MEMO1: variants seen among roughly 807,000 people sequenced by gnomAD.
The protein encoded by MEMO1 is protein MEMO1.
Under a neutral mutation model 45.2 loss-of-function variants are expected in MEMO1, and 6 were observed. The ratio of observed to expected loss-of-function variants is 0.13; its 90% confidence interval spans 0.07 to 0.26. The LOEUF (loss-of-function observed/expected upper bound fraction) is 0.26, where lower values mean the gene tolerates loss of function less well. Ranked by LOEUF, MEMO1 falls within the 10% of genes least tolerant of loss-of-function variation. The pLI, the probability that MEMO1 is intolerant of heterozygous loss-of-function variation, is 1.00. For synonymous variants in MEMO1, 78 were observed against 124.3 expected, an observed-to-expected ratio of 0.63 and a Z score of 2.48; for missense variants, 184 against 370.5, an observed-to-expected ratio of 0.50 and a Z score of 4.13.
intron 6 of MEMO1, 90 bp from the exon 7 acceptor site, chr2:31,892,224 A>G: frequency 4.5e-6 from 5 of 1,119,284 alleles, no homozygotes; most frequent in Non-Finnish European, 6.5e-6. Flanking sequence ...TGGAATATGT[A>G]TTAATAGTGG....
intron 8 of MEMO1, among the ~76,000 whole-genome samples, chr2:31,872,151 C>G (rs761118187): frequency 6.6e-6 from 1 of 152,114 alleles, no homozygotes; most frequent in African/African-American, 2.4e-5. Flanking sequence ...AGTTATAAAT[C>G]TCTTCCATAA....
At position 31,973,136 on chromosome 2, in the gene MEMO1, C is replaced by A. The variant is rs547066696; in HGVS notation, c.62-29753G>T. Among the ~76,000 whole-genome samples, 5 of 152,196 alleles carry A rather than the reference C, an allele frequency of 3.3e-5. No individual in the cohort carries two copies. The East Asian group carries it at 9.7e-4, about 29-fold the overall frequency. On this transcript the variant is annotated intron_variant, in intron 2 of 9. Transcript: ENST00000404530. ...CAGAATTGCCACTGACCCACCAATT[C>A]CACTCTTAGGTATATATCTAAAAGA...
chr2:31,927,141 C>T (rs946044638), intron 4 of MEMO1, among the ~76,000 whole-genome samples: 1 of 151,990 alleles, frequency 6.6e-6, no homozygotes, highest in Admixed American at 6.6e-5. Context: ...CCATCCTGGC[C>T]AACATGGTGA....
At chr2:31,913,824 A>G (rs1451406639) in intron 6 of MEMO1, among the ~76,000 whole-genome samples, 1 of 152,140 alleles carries the variant, frequency 6.6e-6, no homozygotes, top group Non-Finnish European at 1.5e-5. Flanking sequence ...CCAATCACCA[A>G]AAATTCTTCC....
chr2:31,916,959 CA>C (rs917271743), intron 6 of MEMO1, among the ~76,000 whole-genome samples: 1 of 152,086 alleles, frequency 6.6e-6, no homozygotes, highest in Admixed American at 6.5e-5. Flanking sequence ...AATAACCACA[CA>C]AAAGTCTGAG....
intron 8 of MEMO1, among the ~76,000 whole-genome samples, chr2:31,880,818 T>C: frequency 6.6e-6 from 1 of 152,156 alleles, no homozygotes; most frequent in South Asian, 2.1e-4. Flanking sequence ...AAAATAAGTA[T>C]CATCAGCTTA....
intron 4 of MEMO1, among the ~76,000 whole-genome samples, chr2:31,930,789 G>C (rs1664065256): frequency 6.6e-6 from 1 of 150,678 alleles, no homozygotes. Flanking sequence ...GAGACTACAG[G>C]CGTGTGCCAC....
At chr2:31,995,020 G>A (rs1375955295) in intron 2 of MEMO1, among the ~76,000 whole-genome samples, 1 of 151,192 alleles carries the variant, frequency 6.6e-6, no homozygotes, top group African/African-American at 2.4e-5. Flanking sequence ...GAGGGAGGAA[G>A]GCAGGCAGGC....
intron 2 of MEMO1, among the ~76,000 whole-genome samples, chr2:31,994,686 T>C (rs943557682): frequency 6.6e-6 from 1 of 152,022 alleles, no homozygotes; most frequent in Non-Finnish European, 1.5e-5. Flanking sequence ...CAGTGGCTCA[T>C]GCCTATAATC....
intron 2 of MEMO1, among the ~76,000 whole-genome samples, chr2:31,979,816 T>C (rs1021903270): frequency 5.3e-4 from 80 of 152,234 alleles, no homozygotes; most frequent in Non-Finnish European, 5.9e-4. Context: ...TAACTTCTAG[T>C]GTTGGCTCCT....
chr2:31,993,952 T>TC (rs1458766535), intron 2 of MEMO1, among the ~76,000 whole-genome samples: 1 of 113,956 alleles, frequency 8.8e-6, no homozygotes, highest in South Asian at 3.4e-4. Flanking sequence ...ATACTTTCTT[T>TC]TTTTTTTTTT....
At chr2:31,918,072 A>G (rs1681732567) in intron 5 of MEMO1, 35 bp from the exon 6 acceptor site, 1 of 1,437,564 alleles carries the variant, frequency 7.0e-7, no homozygotes, top group South Asian at 1.2e-5. Flanking sequence ...AAATAAATAT[A>G]TTAATGTATA....
At chr2:31,901,884 G>A (rs192277820) in intron 6 of MEMO1, among the ~76,000 whole-genome samples, 6 of 151,412 alleles carry the variant, frequency 4.0e-5, no homozygotes, top group African/African-American at 1.5e-4. Context: ...ACTCCAGCCT[G>A]GGTGACAGAG....
chr2:31,877,371 A>G (rs1674707712), intron 8 of MEMO1, among the ~76,000 whole-genome samples: 1 of 152,220 alleles, frequency 6.6e-6, no homozygotes, highest in Non-Finnish European at 1.5e-5. Context: ...TAATTTGAAG[A>G]TGCTATTGGG....
intron 2 of MEMO1, among the ~76,000 whole-genome samples, chr2:31,955,904 G>C: frequency 6.6e-6 from 1 of 152,074 alleles, no homozygotes; most frequent in East Asian, 1.9e-4. Context: ...CACCATGCTC[G>C]GCCATCCACG....
chr2:31,983,285 A>G (rs1038947359), intron 2 of MEMO1, among the ~76,000 whole-genome samples: 3 of 152,138 alleles, frequency 2.0e-5, no homozygotes, highest in Non-Finnish European at 4.4e-5. Flanking sequence ...AAATCTTAAT[A>G]TACATAAAAA....
In MEMO1 at chr2:31,868,365, T is replaced by C; in HGVS notation, c.890A>G (p.His297Arg). ...VSYAAGALTV[H>R] is the part of the protein sequence containing the mutation. Reference sequence around the variant, plus strand: ...CATCCCTGAGGATTCAGAGCTTCAGTGGACCGTGAGTGCTCCAGCTGCATA... The same window carrying C: ...CATCCCTGAGGATTCAGAGCTTCAGCGGACCGTGAGTGCTCCAGCTGCATA... The change falls in exon 10 of 10, where the codon CAC becomes CGC. Residue 297 changes from histidine (H) to arginine (R), a missense_variant. Transcript: ENST00000404530. 1 of 1,543,790 alleles carries C rather than the reference T, an allele frequency of 6.5e-7. No individual in the cohort carries two copies. The highest frequency in any genetic ancestry group is 8.7e-7 in the Non-Finnish European group (1 of 1,147,940).
intron 6 of MEMO1, among the ~76,000 whole-genome samples, chr2:31,906,290 TTTTG>T (rs1240612654): frequency 6.8e-6 from 1 of 146,488 alleles, no homozygotes; most frequent in Non-Finnish European, 1.5e-5. Context: ...ATTCTTTTGT[TTTTG>T]TTTTTGTTTT....
intron 3 of MEMO1, among the ~76,000 whole-genome samples, chr2:31,933,360 T>A (rs1256628583): frequency 4.9e-4 from 27 of 55,492 alleles, no homozygotes; most frequent in East Asian, 1.9e-3. Flanking sequence ...TTTATATATA[T>A]ATATATATAT....
Sources: gnomAD v4.1 joint callset for allele counts (sites outside exome capture counted in the v4.1 genomes callset) on GRCh38, gnomAD v4.1.1 for gene constraint, MANE v1.5 for transcripts, NCBI Gene and HGNC (gene_info 2026-07-23, HGNC 2026-07-21) for gene names.